The following NALF1 variants were observed in gnomAD, a reference collection of about 807,000 sequenced individuals.
NALF1 encodes NALCN channel auxiliary factor 1, also known as family with sequence similarity 155 member A.
NALF1 carries 3 observed loss-of-function variants against 48.4 expected under a neutral mutation model. The ratio of observed to expected loss-of-function variants is 0.06; its 90% confidence interval spans 0.03 to 0.16. The LOEUF (loss-of-function observed/expected upper bound fraction) is 0.16, where lower values mean the gene tolerates loss of function less well. Ranked by LOEUF, NALF1 falls within the 10% of genes least tolerant of loss-of-function variation. NALF1 has a pLI of 1.00. For synonymous variants in NALF1, 262 were observed against 245.7 expected (o/e 1.07, Z -0.62); for missense variants, 526 against 571.5 (o/e 0.92, Z 0.81).
chr13:107,558,258 T>C (rs538317461), intron 1 of NALF1, among the ~76,000 whole-genome samples: 1 of 152,284 alleles, frequency 6.6e-6, no homozygotes, highest in South Asian at 2.1e-4. Context: ...GTGTTACCAA[T>C]TATTTTATTT....
intron 1 of NALF1, among the ~76,000 whole-genome samples, chr13:107,423,832 A>G (rs114073067): frequency 1.5e-3 from 223 of 152,342 alleles, no homozygotes; most frequent in African/African-American, 5.2e-3. Flanking sequence ...TTAACATAAG[A>G]CATATGTATG....
chr13:107,326,849 A>C (rs1882374008), intron 1 of NALF1, among the ~76,000 whole-genome samples: 1 of 151,248 alleles, frequency 6.6e-6, no homozygotes, highest in African/African-American at 2.4e-5. Context: ...GGCTAGCCAG[A>C]TCCTGGTCTC....
At chr13:107,626,591 A>G (rs9520525) in intron 1 of NALF1, among the ~76,000 whole-genome samples, 35,076 of 152,078 alleles carry the variant, frequency 0.23, 4,921 homozygotes, top group East Asian at 0.48. Flanking sequence ...AGCAATTTAA[A>G]AAGAATAAAA....
Position 107,438,360 on chromosome 13 carries a change from G to A in NALF1, c.916-227605C>T, listed in dbSNP as rs372838851. Among the ~76,000 whole-genome samples the A allele has an allele frequency of 1.4e-4, 21 of 152,114 alleles. 1 individual carries two copies. The highest frequency in any genetic ancestry group is 3.9e-4 in the East Asian group (2 of 5,184). ...ATCTGCTTAAAGTTAAGAATTGCTG[G>A]TTTTGTAAAGTGACAAAGGGATTAG... On this transcript the variant is annotated intron_variant, in intron 1 of 2. Coordinates refer to ENST00000375915, the MANE Select transcript of NALF1 (RefSeq NM_001080396.3).
chr13:107,171,680 C>A (rs1878807654), intron 2 of NALF1, among the ~76,000 whole-genome samples: 1 of 152,190 alleles, frequency 6.6e-6, no homozygotes, highest in Admixed American at 6.5e-5. Context: ...TGTGTATCTA[C>A]AATCTTTCCA....
chr13:107,458,399 G>A (rs758078284), intron 1 of NALF1, among the ~76,000 whole-genome samples: 12 of 152,226 alleles, frequency 7.9e-5, no homozygotes, highest in Non-Finnish European at 1.5e-5. Context: ...AGGCGGAACA[G>A]TGTGTGCCAA....
chr13:107,807,160 AAT>A (rs1878818487), intron 1 of NALF1, among the ~76,000 whole-genome samples: 1 of 152,164 alleles, frequency 6.6e-6, no homozygotes, highest in Non-Finnish European at 1.5e-5. Context: ...TCAGTATGTA[AAT>A]ATGATTATAT....
intron 1 of NALF1, among the ~76,000 whole-genome samples, chr13:107,430,103 C>A (rs1884350623): frequency 6.6e-6 from 1 of 152,134 alleles, no homozygotes; most frequent in Admixed American, 6.5e-5. Flanking sequence ...CAGGGAAAAT[C>A]AACTGAAGAA....
chr13:107,749,854 C>T (rs1383846206), intron 1 of NALF1, among the ~76,000 whole-genome samples: 1 of 151,966 alleles, frequency 6.6e-6, no homozygotes, highest in Non-Finnish European at 1.5e-5. Flanking sequence ...GAGTCTTGCT[C>T]TGTCTCCCAG....
At chr13:107,863,388 T>A (rs1400069807) in intron 1 of NALF1, among the ~76,000 whole-genome samples, 1 of 152,176 alleles carries the variant, frequency 6.6e-6, no homozygotes, top group Admixed American at 6.5e-5. Context: ...ATATAACCAA[T>A]TGATTTGTGA....
At chr13:107,619,829 T>C (rs1388674291) in intron 1 of NALF1, among the ~76,000 whole-genome samples, 1 of 152,122 alleles carries the variant, frequency 6.6e-6, no homozygotes. Flanking sequence ...CAGGTAACCA[T>C]GTCATATGAT....
intron 1 of NALF1, among the ~76,000 whole-genome samples, chr13:107,419,145 A>AG (rs1884142089): frequency 6.6e-6 from 1 of 152,148 alleles, no homozygotes; most frequent in African/African-American, 2.4e-5. Context: ...GACTAGATTT[A>AG]TTTTCTTCAC....
At chr13:107,182,805 T>G (rs931614877) in intron 2 of NALF1, among the ~76,000 whole-genome samples, 9 of 152,214 alleles carry the variant, frequency 5.9e-5, no homozygotes, top group Admixed American at 6.5e-5. Context: ...TTATTAACAT[T>G]TCATATATTC....
chr13:107,793,680 T>C (rs1315065530), intron 1 of NALF1, among the ~76,000 whole-genome samples: 2 of 152,174 alleles, frequency 1.3e-5, no homozygotes, highest in African/African-American at 4.8e-5. Flanking sequence ...TGTCATAAGT[T>C]TGAGTCAGAA....
At chr13:107,415,420 C>T (rs1039571101) in intron 1 of NALF1, among the ~76,000 whole-genome samples, 1 of 151,194 alleles carries the variant, frequency 6.6e-6, no homozygotes, top group Non-Finnish European at 1.5e-5. Flanking sequence ...GACTTTTCTG[C>T]TTGAAAGCAA....
intron 2 of NALF1, among the ~76,000 whole-genome samples, chr13:107,180,451 G>A (rs978390694): frequency 1.3e-5 from 2 of 151,974 alleles, no homozygotes; most frequent in Admixed American, 1.3e-4. Context: ...TTGACATAGA[G>A]TCCAAGAATA....
intron 1 of NALF1, among the ~76,000 whole-genome samples, chr13:107,848,218 T>C (rs771354570): frequency 3.3e-5 from 5 of 152,174 alleles, no homozygotes; most frequent in Non-Finnish European, 5.9e-5. Context: ...TTCAAACAAA[T>C]CAAATGAGCA....
intron 1 of NALF1, among the ~76,000 whole-genome samples, chr13:107,675,989 T>C (rs900197644): frequency 6.6e-6 from 1 of 152,086 alleles, no homozygotes; most frequent in Non-Finnish European, 1.5e-5. Context: ...CAAGCAGAAT[T>C]CCAAGGCTTG....
rs1471898567 is a variant in NALF1, at chr13:107,169,642, A to T, written c.*855T>A. ...AATACAGTTCATGATAGTTTTTTTTAATTTTTTCCTTTTATTTTGTTTTCA... is the reference window on the plus strand; with the variant it reads ...AATACAGTTCATGATAGTTTTTTTTTATTTTTTCCTTTTATTTTGTTTTCA... On this transcript the variant is annotated 3_prime_UTR_variant, in exon 3 of 3. Coordinates refer to ENST00000375915, the MANE Select transcript of NALF1 (RefSeq NM_001080396.3). The T allele has an allele frequency of 6.6e-6, 1 of 152,318 alleles. No homozygotes were observed. The highest frequency in any genetic ancestry group is 1.5e-5 in the Non-Finnish European group (1 of 68,002). 9.4% of individuals were successfully genotyped at this position (152,318 alleles called of 1,614,324 possible).
Sources: allele counts gnomAD v4.1 joint callset (sites outside exome capture counted in the v4.1 genomes callset), GRCh38; gene constraint gnomAD v4.1.1; transcripts MANE v1.5; gene names NCBI Gene and HGNC (gene_info 2026-07-23, HGNC 2026-07-21).